Variants in ATG2B observed in about 807,000 individuals in gnomAD.
ATG2B encodes the protein autophagy related 2B.
Under a neutral mutation model 241.3 loss-of-function variants are expected in ATG2B, and 121 were observed. The observed-to-expected ratio is 0.50, with a 90% CI of 0.43 to 0.58. ATG2B has a LOEUF of 0.58. Ranked by LOEUF, ATG2B falls within the 20% of genes least tolerant of loss-of-function variation. ATG2B has a pLI of 0.00. For synonymous variants in ATG2B, 858 were observed against 876.6 expected (o/e 0.98, Z 0.37); for missense variants, 2,306 against 2,491.6 (o/e 0.93, Z 1.59).
chr14:96,285,861 A>G lies in ATG2B; in HGVS notation c.6131T>C (p.Ile2044Thr). 2 of 1,614,104 alleles carry G rather than the reference A, an allele frequency of 1.2e-6. No individual in the cohort carries two copies. Among genetic ancestry groups the G allele is most frequent in the Non-Finnish European group, 1.7e-6 (2 of 1,180,020 alleles). ...QIPPAVVKPL[I>T]VATEATSNVL... Reference sequence around the variant, plus strand: ...GTTTGACGTTGCTTCTGTGGCAACAATCAGAGGTTTCACCACTGCCGGAGG... The same window carrying G: ...GTTTGACGTTGCTTCTGTGGCAACAGTCAGAGGTTTCACCACTGCCGGAGG... The change falls in exon 42 of 42, where the codon ATT becomes ACT. Residue 2044 changes from isoleucine (I) to threonine (T), a missense_variant. By Grantham distance (89) the Ile-to-Thr change is moderately conservative (BLOSUM62 -1). This residue lies in a region of ATG2B where 379 missense variants were observed against 480.4 expected (regional missense o/e 0.79). Coordinates refer to ENST00000359933, the MANE Select transcript of ATG2B (RefSeq NM_018036.7). The surrounding 1 kb of genome is among the most constrained non-coding windows in gnomAD (Gnocchi z 4.2).
At chr14:96,307,636 G>A (rs1886989034) in intron 29 of ATG2B, among the ~76,000 whole-genome samples, 1 of 151,966 alleles carries the variant, frequency 6.6e-6, no homozygotes, top group African/African-American at 2.4e-5. Context: ...ATATTACAAT[G>A]TGAGGGGAAA....
chr14:96,328,251 TTAATC>T (rs1887635195), intron 14 of ATG2B, 91 bp downstream of exon 14: 2 of 775,634 alleles, frequency 2.6e-6, no homozygotes, highest in African/African-American at 1.7e-5. Flanking sequence ...ATTATACTGT[TTAATC>T]TATTAAAAAT....
At chr14:96,317,056 C>T (rs1887332897) in intron 20 of ATG2B, 89 bp downstream of exon 20, 1 of 1,249,898 alleles carries the variant, frequency 8.0e-7, no homozygotes. Context: ...TTCAAAATAT[C>T]AAATACTTCA....
rs917801274 is a variant in ATG2B, at chr14:96,322,559, A to T, written c.2717T>A (p.Val906Glu). The T allele has an allele frequency of 1.9e-6, 3 of 1,611,886 alleles. No homozygotes were observed. The highest frequency in any genetic ancestry group is 3.3e-5 in the Admixed American group (2 of 59,754). Residue 906 changes from valine to glutamate, a missense_variant, in exon 17 of 42, where the codon GTA becomes GAA. Coordinates refer to ENST00000359933, the MANE Select transcript of ATG2B (RefSeq NM_018036.7). ...PAPSPFSSRR[V>E]MFENEQMVMP... ...TTTTACCTGTTCATTTTCAAACATTACTCTACGAGAAGAAAAAGGAGATGG... is the reference window on the plus strand; with the variant it reads ...TTTTACCTGTTCATTTTCAAACATTTCTCTACGAGAAGAAAAAGGAGATGG...
chr14:96,338,365 G>C (rs900706606), intron 6 of ATG2B, among the ~76,000 whole-genome samples: 1 of 152,094 alleles, frequency 6.6e-6, no homozygotes, highest in African/African-American at 2.4e-5. Flanking sequence ...TCTTGTTCCA[G>C]TTCTCAGGGG....
intron 18 of ATG2B, among the ~76,000 whole-genome samples, chr14:96,320,818 T>C (rs1044073733): frequency 1.1e-4 from 17 of 152,090 alleles, no homozygotes; most frequent in Admixed American, 2.0e-4. Context: ...CATCAGCTCT[T>C]TGCGGACACC....
chr14:96,360,534 TAA>T (rs1566738703), intron 1 of ATG2B, among the ~76,000 whole-genome samples: 1 of 152,222 alleles, frequency 6.6e-6, no homozygotes, highest in Non-Finnish European at 1.5e-5. Flanking sequence ...CCAACCAATC[TAA>T]GTCTTCTGAA....
At chr14:96,302,675 C>T (rs1432653455) in intron 33 of ATG2B, among the ~76,000 whole-genome samples, 1 of 152,138 alleles carries the variant, frequency 6.6e-6, no homozygotes, top group East Asian at 1.9e-4. Flanking sequence ...AACCCTGAAG[C>T]TAACCATAGG....
In ATG2B at chr14:96,363,246, G is replaced by A. The variant is rs1888735150; in HGVS notation, c.-270C>T. 1 of 395,552 alleles carries A rather than the reference G, an allele frequency of 2.5e-6. No individual in the cohort carries two copies. 24.5% of individuals were successfully genotyped at this position (395,552 alleles called of 1,614,324 possible). ...CCCAACCGGCTCGGAGAGAGTGCAA[G>A]AGAGCGCGAGAGGAGGCGGCAGGGG... On this transcript the variant is annotated 5_prime_UTR_variant, in exon 1 of 42. Transcript: ENST00000359933.
intron 1 of ATG2B, among the ~76,000 whole-genome samples, chr14:96,358,191 T>C (rs1278961039): frequency 1.3e-5 from 2 of 151,534 alleles, no homozygotes; most frequent in Non-Finnish European, 2.9e-5. Flanking sequence ...TTCCAGAAAC[T>C]GGGGGGGGCT....
intron 6 of ATG2B, among the ~76,000 whole-genome samples, chr14:96,337,903 T>C (rs1027984564): frequency 2.0e-5 from 3 of 152,178 alleles, no homozygotes; most frequent in African/African-American, 4.8e-5. Flanking sequence ...TTTCCATCCA[T>C]GAGTATGGGA....
chr14:96,313,130 A>T lies in ATG2B; in HGVS notation c.3777T>A (p.Leu1259=), dbSNP rs770210579. 1 of 1,613,642 alleles carries T rather than the reference A, an allele frequency of 6.2e-7. No homozygotes were observed. Among genetic ancestry groups the T allele is most frequent in the Non-Finnish European group, 8.5e-7 (1 of 1,179,730 alleles). ...AAACACTGAATGTTTCCACGGTAAGAAGAGATCGGATTGGCAAATAAAGGG... is the reference window on the plus strand; with the variant it reads ...AAACACTGAATGTTTCCACGGTAAGTAGAGATCGGATTGGCAAATAAAGGG... ...YRPLYLPIRS[L]LTVETFSVSS... Residue 1259 remains leucine (L), a synonymous_variant, in exon 25 of 42, where the codon CTT becomes CTA. Transcript: ENST00000359933.
intron 11 of ATG2B, among the ~76,000 whole-genome samples, chr14:96,330,381 T>C (rs1238629472): frequency 2.6e-5 from 4 of 152,216 alleles, no homozygotes; most frequent in South Asian, 2.1e-4. Flanking sequence ...AATACTAATA[T>C]ATGATATGTT....
chr14:96,306,945 A>G (rs1355917278), intron 29 of ATG2B, 29 bp from the exon 30 acceptor site: 1 of 1,579,654 alleles, frequency 6.3e-7, no homozygotes, highest in South Asian at 1.1e-5. Context: ...ACATTTTGGC[A>G]CACTTTGAAA....
In ATG2B at chr14:96,283,798, C is replaced by G. The variant is rs1190664844; in HGVS notation, c.*1957G>C. 1 of 152,226 alleles carries G rather than the reference C, an allele frequency of 6.6e-6. No individual in the cohort carries two copies. The highest frequency in any genetic ancestry group is 6.5e-5 in the Admixed American group (1 of 15,288). 9.4% of individuals were successfully genotyped at this position (152,226 alleles called of 1,614,324 possible). On this transcript the variant is annotated 3_prime_UTR_variant, in exon 42 of 42. Transcript: ENST00000359933. ...CATCTTGGCTGAACTGACAACGAAT[C>G]TTTTTGAGACACAACGTTTCTGTTC...
At position 96,362,802 on chromosome 14, in the gene ATG2B, C is replaced by CG; in HGVS notation, c.162+12dup. The CG allele has an allele frequency of 6.3e-7, 1 of 1,586,708 alleles. No homozygotes were observed. Among genetic ancestry groups the CG allele is most frequent in the Non-Finnish European group, 8.6e-7 (1 of 1,163,786 alleles). On this transcript the variant is annotated intron_variant, in intron 1 of 41. Coordinates refer to ENST00000359933, the MANE Select transcript of ATG2B (RefSeq NM_018036.7). ...GAGCGAGCCCCGCCCGGCTCGCCGC[C>CG]GGCAGCTCTTACCCATTTGTCCAAG...
chr14:96,352,612 A>C (rs998997616), intron 1 of ATG2B, among the ~76,000 whole-genome samples: 1 of 151,884 alleles, frequency 6.6e-6, no homozygotes, highest in African/African-American at 2.4e-5. Flanking sequence ...AAGTTTAAAA[A>C]TTAAAAAAAA....
intron 3 of ATG2B, 79 bp from the exon 4 acceptor site, chr14:96,344,835 T>C (rs181861340): frequency 6.1e-5 from 35 of 571,138 alleles, no homozygotes; most frequent in Middle Eastern, 8.7e-4. Context: ...AAATAAGTAC[T>C]AGTTTGATAA....
At chr14:96,336,729 C>T (rs1234076662) in intron 6 of ATG2B, among the ~76,000 whole-genome samples, 2 of 152,136 alleles carry the variant, frequency 1.3e-5, no homozygotes, top group African/African-American at 4.8e-5. Flanking sequence ...CAAATGCATT[C>T]CCCAGAGACA....
Sources: gnomAD v4.1 joint callset for allele counts (sites outside exome capture counted in the v4.1 genomes callset) on GRCh38, gnomAD v4.1.1 for gene constraint, gnomAD v4.1.1 regional missense constraint, Gnocchi (gnomAD v3.1) non-coding constraint, MANE v1.5 for transcripts, NCBI Gene and HGNC (gene_info 2026-07-23, HGNC 2026-07-21) for gene names.